FGGY: variants seen among roughly 807,000 people sequenced by gnomAD.
The protein encoded by FGGY is FGGY carbohydrate kinase domain-containing protein.
A neutral mutation model predicts 71.3 loss-of-function variants in FGGY; 72 were observed. The ratio of observed to expected loss-of-function variants is 1.01; its 90% CI spans 0.84 to 1.23. FGGY has a LOEUF of 1.23. Ranked by LOEUF, FGGY falls within the 50% of genes most tolerant of loss-of-function variation. FGGY has a pLI of 0.00. For missense variants in FGGY, 668 were observed against 682.3 expected (o/e 0.98, Z 0.23); for synonymous variants, 251 against 250.3 (o/e 1.00, Z -0.02).
intron 14 of FGGY, among the ~76,000 whole-genome samples, chr1:59,710,356 C>G (rs1284301594): frequency 6.6e-6 from 1 of 152,020 alleles, no homozygotes; most frequent in East Asian, 1.9e-4. Flanking sequence ...AGAAGAAAAC[C>G]TAGGCAATAC....
chr1:59,579,324 AT>A (rs1433922746), intron 8 of FGGY, among the ~76,000 whole-genome samples: 8 of 152,080 alleles, frequency 5.3e-5, no homozygotes, highest in African/African-American at 1.9e-4. Context: ...CAGTGACCTC[AT>A]TAAGACTCAA....
intron 8 of FGGY, among the ~76,000 whole-genome samples, chr1:59,587,801 C>T (rs548091213): frequency 2.6e-5 from 4 of 152,190 alleles, no homozygotes; most frequent in South Asian, 4.2e-4. Context: ...ATCTGTACGT[C>T]GCCATCATCA....
chr1:59,438,759 A>G (rs893674100), intron 5 of FGGY, among the ~76,000 whole-genome samples: 1 of 152,206 alleles, frequency 6.6e-6, no homozygotes, highest in African/African-American at 2.4e-5. Flanking sequence ...GGGGGAAAAT[A>G]TTTGGAAATG....
At chr1:59,512,172 T>A in intron 6 of FGGY, 139 bp from the exon 7 acceptor site, 1 of 863,776 alleles carries the variant, frequency 1.2e-6, no homozygotes, top group South Asian at 2.6e-5. Context: ...GCAAAGGGAC[T>A]CTTGATGACT....
intron 5 of FGGY, among the ~76,000 whole-genome samples, chr1:59,419,067 A>G (rs997281306): frequency 2.0e-5 from 3 of 152,206 alleles, no homozygotes; most frequent in Non-Finnish European, 4.4e-5. Flanking sequence ...AAGGCTAGGA[A>G]TAGAGACTGG....
At chr1:59,420,642 A>G (rs917037554) in intron 5 of FGGY, among the ~76,000 whole-genome samples, 3 of 152,172 alleles carry the variant, frequency 2.0e-5, no homozygotes, top group Non-Finnish European at 4.4e-5. Context: ...GTAGGGTTCA[A>G]GACTTCCCCA....
At chr1:59,575,846 CAT>C (rs1398674581) in intron 8 of FGGY, among the ~76,000 whole-genome samples, 1 of 152,136 alleles carries the variant, frequency 6.6e-6, no homozygotes, top group Non-Finnish European at 1.5e-5. Context: ...TAAATATTCT[CAT>C]ATGGTTTGGA....
intron 14 of FGGY, among the ~76,000 whole-genome samples, chr1:59,722,192 T>G (rs1044303498): frequency 2.7e-5 from 4 of 150,676 alleles, no homozygotes; most frequent in African/African-American, 9.8e-5. Context: ...ATGATTGGAG[T>G]TTTGGTCTTT....
At chr1:59,549,593 G>A (rs568655419) in intron 7 of FGGY, among the ~76,000 whole-genome samples, 6 of 152,320 alleles carry the variant, frequency 3.9e-5, no homozygotes, top group African/African-American at 1.4e-4. Flanking sequence ...AGGTTACAGT[G>A]TTTGAGGATA....
chr1:59,500,017 G>A (rs1420875181), intron 6 of FGGY, among the ~76,000 whole-genome samples: 4 of 151,932 alleles, frequency 2.6e-5, no homozygotes, highest in Admixed American at 2.0e-4. Context: ...CTGTACTGTC[G>A]AATTTTGCCT....
At chr1:59,335,411 CTGTTA>C (rs1004071160) in intron 2 of FGGY, among the ~76,000 whole-genome samples, 2 of 152,030 alleles carry the variant, frequency 1.3e-5, no homozygotes, top group Admixed American at 1.3e-4. Context: ...GAGTAGTATT[CTGTTA>C]TATGGATATA....
chr1:59,512,418 G>C lies in FGGY; in HGVS notation c.778G>C (p.Asp260His), dbSNP rs1033824299. 6.2e-7 allele frequency: 1 copy of C among 1,613,736 alleles called. No individual in the cohort carries two copies. The highest frequency in any genetic ancestry group is 8.5e-7 in the Non-Finnish European group (1 of 1,179,842). The change falls in exon 7 of 16, where the codon GAT (aspartate) becomes CAT (histidine). Residue 260 changes from aspartate to histidine, a missense_variant. Transcript: ENST00000303721. ...PGIAVAASLIDAHAGGLGVIG... is the reference protein window; with the variant it reads ...PGIAVAASLIHAHAGGLGVIG... ...GATTGCGGTCGCAGCTTCACTCATT[G>C]ATGCCCATGCAGGAGGACTAGGTAA...
intron 14 of FGGY, among the ~76,000 whole-genome samples, chr1:59,734,513 G>A (rs188908368): frequency 1.7e-4 from 26 of 152,218 alleles, no homozygotes; most frequent in African/African-American, 4.6e-4. Flanking sequence ...TCGTCCTTCC[G>A]TATGGCCCTC....
intron 5 of FGGY, among the ~76,000 whole-genome samples, chr1:59,411,865 C>T (rs1036910115): frequency 1.3e-5 from 2 of 152,026 alleles, no homozygotes; most frequent in Non-Finnish European, 2.9e-5. Flanking sequence ...CAGAAGATAC[C>T]ACTTTGTGCT....
At chr1:59,587,245 G>A (rs577377152) in intron 8 of FGGY, among the ~76,000 whole-genome samples, 1 of 152,254 alleles carries the variant, frequency 6.6e-6, no homozygotes, top group South Asian at 2.1e-4. Flanking sequence ...CTGGGGGAGG[G>A]GCGCCCGCCA....
At chr1:59,762,109 A>G (rs2098346244) in intron 15 of FGGY, among the ~76,000 whole-genome samples, 1 of 147,656 alleles carries the variant, frequency 6.8e-6, no homozygotes, top group Non-Finnish European at 1.5e-5. Context: ...TCTTTCACCC[A>G]GGCTGGAGCG....
intron 14 of FGGY, among the ~76,000 whole-genome samples, chr1:59,687,760 G>T (rs946226978): frequency 6.6e-6 from 1 of 151,848 alleles, no homozygotes; most frequent in Admixed American, 6.6e-5. Context: ...GAGCCACCAC[G>T]TCTGGCTGAA....
At chr1:59,379,387 G>A (rs1264332429) in intron 5 of FGGY, among the ~76,000 whole-genome samples, 2 of 152,052 alleles carry the variant, frequency 1.3e-5, no homozygotes, top group African/African-American at 4.8e-5. Context: ...ACTGAATACT[G>A]TAGGCCATTG....
At chr1:59,440,094 C>CAAAAA (rs140279518) in intron 5 of FGGY, among the ~76,000 whole-genome samples, 5 of 125,546 alleles carry the variant, frequency 4.0e-5, no homozygotes, top group Non-Finnish European at 8.4e-5. Context: ...TTGCAAGGTT[C>CAAAAA]AAAAAAAAAA....
Sources: allele counts gnomAD v4.1 joint callset (sites outside exome capture counted in the v4.1 genomes callset), GRCh38; gene constraint gnomAD v4.1.1; transcripts MANE v1.5; gene names NCBI Gene and HGNC (gene_info 2026-07-23, HGNC 2026-07-21).